Variants in EIF2B3 observed in about 807,000 individuals in gnomAD.
EIF2B3 encodes the protein translation initiation factor eIF2B subunit gamma.
In EIF2B3, 20 loss-of-function variants were observed where a neutral mutation model predicts 54.1. The observed-to-expected ratio is 0.37, with a 90% CI of 0.26 to 0.54. EIF2B3 has a LOEUF of 0.54. EIF2B3 is among the 20% of genes least tolerant of loss of function. The pLI is 0.86. For synonymous variants in EIF2B3, 153 were observed against 188.1 expected, an observed-to-expected ratio of 0.81 and a Z score of 1.52; for missense variants, 448 against 547.8, an observed-to-expected ratio of 0.82 and a Z score of 1.82.
chr1:44,892,805 A>AC (rs1391711934), intron 6 of EIF2B3, among the ~76,000 whole-genome samples: 2 of 152,170 alleles, frequency 1.3e-5, no homozygotes, highest in African/African-American at 4.8e-5. Flanking sequence ...AAGGTGTGTA[A>AC]GTCACATACT....
intron 3 of EIF2B3, among the ~76,000 whole-genome samples, chr1:44,945,417 G>A (rs1644089165): frequency 1.3e-5 from 2 of 151,900 alleles, no homozygotes; most frequent in African/African-American, 2.4e-5. Context: ...AGCAGGGCGT[G>A]GTGGCAGGCG....
chr1:44,955,763 C>T (rs573576363), intron 3 of EIF2B3, among the ~76,000 whole-genome samples: 9 of 152,156 alleles, frequency 5.9e-5, no homozygotes, highest in Non-Finnish European at 1.2e-4. Flanking sequence ...TGAAAAAAAG[C>T]TCATCATCAC....
intron 5 of EIF2B3, among the ~76,000 whole-genome samples, chr1:44,913,760 C>T (rs1023820264): frequency 1.0e-4 from 15 of 143,566 alleles, no homozygotes; most frequent in East Asian, 4.3e-4. Context: ...CCTCTGTCTC[C>T]CAAAGTGGAC....
intron 5 of EIF2B3, among the ~76,000 whole-genome samples, chr1:44,904,851 T>C (rs981531479): frequency 1.3e-5 from 2 of 152,154 alleles, no homozygotes; most frequent in African/African-American, 4.8e-5. Context: ...CAAAGAAGCA[T>C]CTTCTCTCCC....
At chr1:44,970,475 T>C (rs979082179) in intron 3 of EIF2B3, among the ~76,000 whole-genome samples, 1 of 150,606 alleles carries the variant, frequency 6.6e-6, no homozygotes, top group African/African-American at 2.5e-5. Context: ...GTTCTTATCT[T>C]ACCTAAAATC....
chr1:44,972,006 T>C (rs1336259850), intron 3 of EIF2B3, among the ~76,000 whole-genome samples: 1 of 152,018 alleles, frequency 6.6e-6, no homozygotes, highest in Non-Finnish European at 1.5e-5. Flanking sequence ...CACTCCAGCC[T>C]GGGCAACAGA....
At chr1:44,936,856 C>T (rs545652809) in intron 4 of EIF2B3, among the ~76,000 whole-genome samples, 2 of 152,142 alleles carry the variant, frequency 1.3e-5, no homozygotes, top group African/African-American at 2.4e-5. Context: ...TTTCAGGTAA[C>T]GAATGGGCCA....
At chr1:44,885,901 A>ATTTTTT (rs57544990) in intron 6 of EIF2B3, among the ~76,000 whole-genome samples, 19 of 133,208 alleles carry the variant, frequency 1.4e-4, no homozygotes, top group African/African-American at 4.3e-4. Flanking sequence ...CGCTTGGCTA[A>ATTTTTT]TTTTTTTTTT....
intron 10 of EIF2B3, among the ~76,000 whole-genome samples, chr1:44,860,351 T>C (rs17390300): frequency 0.17 from 26,569 of 152,064 alleles, 2,424 homozygotes; most frequent in African/African-American, 0.18. Flanking sequence ...ATCACCTGAG[T>C]AGTGTAAACA....
chr1:44,951,791 CTT>C (rs59135544), intron 3 of EIF2B3, among the ~76,000 whole-genome samples: 11 of 139,994 alleles, frequency 7.9e-5, no homozygotes, highest in Admixed American at 2.2e-4. Flanking sequence ...CTCCCTTCCT[CTT>C]TTTTTTTTTT....
chr1:44,885,948 T>C (rs796843915), intron 6 of EIF2B3, among the ~76,000 whole-genome samples: 117 of 148,540 alleles, frequency 7.9e-4, no homozygotes, highest in African/African-American at 2.8e-3. Context: ...GGTTTCACCA[T>C]GTTGGTCAGG....
Position 44,941,758 on chromosome 1 carries a change from C to T in EIF2B3, c.295-93G>A, listed in dbSNP as rs1644025455. Reference sequence around the variant, plus strand: ...AAAATTAGGATGGCTTAAAACCACACAAATCAGACAATACTCTTCAAGCAT... The same window carrying T: ...AAAATTAGGATGGCTTAAAACCACATAAATCAGACAATACTCTTCAAGCAT... On this transcript the variant is annotated intron_variant, in intron 3 of 11. Transcript: ENST00000360403. 3.6e-6 allele frequency: 5 copies of T among 1,389,260 alleles called. No homozygotes were observed. The African/African-American group carries it at 4.3e-5, about 12-fold the overall frequency. The allele number at this position is 1,389,260 out of a possible 1,614,324, so 86.1% of individuals were successfully genotyped here. A position where few individuals can be genotyped will look rare whatever the true frequency, so the allele number is the denominator to read the frequency against.
chr1:44,883,141 C>G (rs1655466196), intron 6 of EIF2B3, among the ~76,000 whole-genome samples: 1 of 151,086 alleles, frequency 6.6e-6, no homozygotes, highest in South Asian at 2.1e-4. Context: ...GTTGACCATC[C>G]TGAGGTCAGG....
chr1:44,954,223 T>C (rs979364309), intron 3 of EIF2B3, among the ~76,000 whole-genome samples: 2 of 152,226 alleles, frequency 1.3e-5, no homozygotes, highest in Non-Finnish European at 2.9e-5. Context: ...CTTGGCTATA[T>C]GGGCTCTTTT....
intron 10 of EIF2B3, among the ~76,000 whole-genome samples, chr1:44,870,004 C>T (rs1654912147): frequency 6.6e-6 from 1 of 152,014 alleles, no homozygotes. Context: ...GCCTGGGTAA[C>T]ATAGTGAGAC....
In EIF2B3 at chr1:44,926,872, C is replaced by T. The variant is rs144473424; in HGVS notation, c.455-133G>A. ...ATTGAAGGGTGGGTGCAGTGGCTCACGCCTGTAATCCCAAGACTTTGGGAG... is the reference window on the plus strand; with the variant it reads ...ATTGAAGGGTGGGTGCAGTGGCTCATGCCTGTAATCCCAAGACTTTGGGAG... On this transcript the variant is annotated intron_variant, in intron 4 of 11. Coordinates refer to ENST00000360403, the MANE Select transcript of EIF2B3 (RefSeq NM_020365.5). The T allele has an allele frequency of 1.4e-3, 1,127 of 806,076 alleles. 5 individuals carry two copies. In the African/African-American group the frequency reaches 0.017, roughly 12 times the overall value. 49.9% of individuals were successfully genotyped at this position (806,076 alleles called of 1,614,324 possible). A position where few individuals can be genotyped will look rare whatever the true frequency, so the allele number is the denominator to read the frequency against.
At chr1:44,901,550 CTTTTTTTTT>C (rs36059931) in intron 5 of EIF2B3, among the ~76,000 whole-genome samples, 5 of 111,582 alleles carry the variant, frequency 4.5e-5, no homozygotes, top group Admixed American at 9.6e-5. Flanking sequence ...TGGGCCTGGC[CTTTTTTTTT>C]TTTTTTTTTT....
rs760687647 is a variant in EIF2B3, at chr1:44,941,638, G to C, written c.322C>G (p.Leu108Val). ...KTDVLVLSCD[L>V]ITDVALHEVV... ...TCATGTAAGGCAACGTCTGTTATCA[G>C]ATCACAGCTCAGCACCAGCACATCT... The change falls in exon 4 of 12, where the codon CTG becomes GTG. Residue 108 changes from leucine to valine, a missense_variant. By Grantham distance (32) the Leu-to-Val change is conservative (BLOSUM62 1). This residue lies in a region of EIF2B3 where 3 missense variants were observed against 17.9 expected (regional missense o/e 0.17). Coordinates refer to ENST00000360403, the MANE Select transcript of EIF2B3 (RefSeq NM_020365.5). The C allele has an allele frequency of 6.2e-7, 1 of 1,613,976 alleles. No individual in the cohort carries two copies. Among genetic ancestry groups the C allele is most frequent in the African/African-American group, 1.3e-5 (1 of 74,884 alleles).
intron 10 of EIF2B3, among the ~76,000 whole-genome samples, chr1:44,873,807 ATT>A (rs35507556): frequency 1.4e-5 from 2 of 142,260 alleles, no homozygotes; most frequent in Admixed American, 7.1e-5. Context: ...CACCTGGCTA[ATT>A]TTTTTTTTTT....
Sources: allele counts gnomAD v4.1 joint callset (sites outside exome capture counted in the v4.1 genomes callset), GRCh38; gene constraint gnomAD v4.1.1; regional missense constraint gnomAD v4.1.1; transcripts MANE v1.5; gene names NCBI Gene and HGNC (gene_info 2026-07-23, HGNC 2026-07-21).